CMTR1: variants seen among roughly 807,000 people sequenced by gnomAD.
CMTR1 encodes cap methyltransferase 1.
A neutral mutation model predicts 107.0 loss-of-function variants in CMTR1; 39 were observed. The observed-to-expected ratio is 0.36, with a 90% CI of 0.28 to 0.48. The LOEUF (loss-of-function observed/expected upper bound fraction) is 0.48. Ranked by LOEUF, CMTR1 falls within the 20% of genes least tolerant of loss-of-function variation. The pLI, the probability that CMTR1 is intolerant of heterozygous loss-of-function variation, is 0.99. For missense variants in CMTR1, 672 were observed against 1,064.9 expected (o/e 0.63, Z 5.14); for synonymous variants, 366 against 379.5 (o/e 0.96, Z 0.41).
chr6:37,459,309 C>G (rs1042025031), intron 9 of CMTR1, among the ~76,000 whole-genome samples: 1 of 152,192 alleles, frequency 6.6e-6, no homozygotes, highest in African/African-American at 2.4e-5. Flanking sequence ...AATGTAGGTG[C>G]CTTAAACACA....
chr6:37,428,062 AACT>A, the CMTR1 span, among the ~76,000 whole-genome samples: 1 of 92,856 alleles, frequency 1.1e-5, no homozygotes, highest in East Asian at 3.9e-4. Flanking sequence ...GAGAGAGAGA[AACT>A]CTCTAAAAAA....
chr6:37,475,702 C>A, intron 19 of CMTR1: 1 of 531,538 alleles, frequency 1.9e-6, no homozygotes, highest in Non-Finnish European at 3.4e-6. Context: ...AGAGGGTGAC[C>A]TTGCGGGTAG....
Position 37,472,762 on chromosome 6 carries a change from C to T in CMTR1, c.1689+275C>T, listed in dbSNP as rs536975818. On this transcript the variant is annotated intron_variant, in intron 16 of 23. Coordinates refer to ENST00000373451, the MANE Select transcript of CMTR1 (RefSeq NM_015050.3). The surrounding 1 kb of genome is among the most constrained non-coding windows in gnomAD (Gnocchi z 4.1). Reference sequence around the variant, plus strand: ...AAAGGGTGGTTCTGGCTGTGTCACCCTGGCAAGTTCAGGGTCCTGTGGGAT... The same window carrying T: ...AAAGGGTGGTTCTGGCTGTGTCACCTTGGCAAGTTCAGGGTCCTGTGGGAT... Among the ~76,000 whole-genome samples the T allele has an allele frequency of 6.6e-5, 10 of 152,364 alleles. No individual in the cohort carries two copies. Among genetic ancestry groups the T allele is most frequent in the South Asian group, 6.2e-4 (3 of 4,826 alleles).
Position 37,463,035 on chromosome 6 carries a change from G to GT in CMTR1, c.1505+28dup, listed in dbSNP as rs752800044. ...TAAGCCAACGGGCTGGTTTTTGCTG[G>GT]TAACACTGAGGTCCTAAGGAAGACC... On this transcript the variant is annotated intron_variant, in intron 13 of 23. Coordinates refer to ENST00000373451, the MANE Select transcript of CMTR1 (RefSeq NM_015050.3). 8.1e-6 allele frequency: 13 copies of GT among 1,608,130 alleles called. No individual in the cohort carries two copies. The East Asian group carries it at 2.9e-4, about 36-fold the overall frequency.
intron 20 of CMTR1, among the ~76,000 whole-genome samples, chr6:37,476,575 GAGA>G (rs761657401): frequency 5.9e-5 from 9 of 152,192 alleles, no homozygotes; most frequent in Non-Finnish European, 8.8e-5. Flanking sequence ...ACATGAAAAA[GAGA>G]AGGATTGTTT....
chr6:37,480,638 T>C lies in CMTR1; in HGVS notation c.*493T>C. ...GCCAGGAGAACCTGCTATAAAAAAA[T>C]CAAGGTTTTGTTTCTTTGAACTTAC... is the stretch of plus-strand genomic sequence containing the variant. On this transcript the variant is annotated 3_prime_UTR_variant, in exon 24 of 24. Transcript: ENST00000373451. The C allele has an allele frequency of 9.8e-7, 1 of 1,022,208 alleles. No homozygotes were observed. The highest frequency in any genetic ancestry group is 1.2e-6 in the Non-Finnish European group (1 of 854,276). 63.3% of individuals were successfully genotyped at this position (1,022,208 alleles called of 1,614,324 possible). A position where few individuals can be genotyped will look rare whatever the true frequency, so the allele number is the denominator to read the frequency against.
At chr6:37,424,409 AT>A in the CMTR1 span, among the ~76,000 whole-genome samples, 132 of 143,772 alleles carry the variant, frequency 9.2e-4, no homozygotes, top group Non-Finnish European at 9.5e-4. Context: ...CGCCTGGTTA[AT>A]TTTTTTTTTT....
At position 37,480,428 on chromosome 6, in the gene CMTR1, G is replaced by A. The variant is rs185309199; in HGVS notation, c.*283G>A. ...AGGCAGGTATGAGGTCAGTGCCTAG[G>A]GCACGTGGGACTGATGGAGGACATA... On this transcript the variant is annotated 3_prime_UTR_variant, in exon 24 of 24. Transcript: ENST00000373451. The A allele has an allele frequency of 8.0e-7, 1 of 1,255,642 alleles. No individual in the cohort carries two copies. The highest frequency in any genetic ancestry group is 1.0e-6 in the Non-Finnish European group (1 of 999,724). The allele number at this position is 1,255,642 out of a possible 1,614,324, so 77.8% of individuals were successfully genotyped here.
chr6:37,471,917 C>G lies in CMTR1; in HGVS notation c.1620+13C>G, dbSNP rs747903852. On this transcript the variant is annotated intron_variant, in intron 15 of 23. Transcript: ENST00000373451. ...CCGACTCTGGGGGGTGAGTATCTCC[C>G]CCGCCCATTGCTGCTTCAGGGCAGG... 1.2e-6 allele frequency: 2 copies of G among 1,611,264 alleles called. No homozygotes were observed. The highest frequency in any genetic ancestry group is 1.9e-4 in the Middle Eastern group (1 of 5,396).
Position 37,471,063 on chromosome 6 carries a change from C to T in CMTR1, c.1548C>T (p.Ala516=). The change falls in exon 14 of 24, where the codon GCC becomes GCT. Residue 516 remains alanine, a synonymous_variant. Coordinates refer to ENST00000373451, the MANE Select transcript of CMTR1 (RefSeq NM_015050.3). ...TCAAAGCTCTGGCGAAAATCCATGC[C>T]TTTGTTCAAGACACGTGAGTGTTGC... ...LQIKALAKIH[A]FVQDTTLSEP... The T allele has an allele frequency of 6.2e-7, 1 of 1,607,074 alleles. No homozygotes were observed. Among genetic ancestry groups the T allele is most frequent in the Non-Finnish European group, 8.5e-7 (1 of 1,176,778 alleles).
chr6:37,428,002 CAGAGACAGAGAGAGAGAGAGAGAG>C, the CMTR1 span, among the ~76,000 whole-genome samples: 7 of 87,728 alleles, frequency 8.0e-5, no homozygotes, highest in African/African-American at 2.9e-4. Flanking sequence ...ACCTAAGCAA[CAGAGACAGAGAGAGAGAGAGAGAG>C]AGAGAGAGAG....
intron 10 of CMTR1, among the ~76,000 whole-genome samples, chr6:37,460,980 G>A (rs553828930): frequency 6.6e-6 from 1 of 152,338 alleles, no homozygotes; most frequent in East Asian, 1.9e-4. Flanking sequence ...CCTGGCCAGA[G>A]AGTCTGCCAG....
intron 10 of CMTR1, 47 bp from the exon 11 acceptor site, chr6:37,461,502 C>T (rs1370031888): frequency 9.6e-7 from 1 of 1,039,910 alleles, no homozygotes; most frequent in South Asian, 1.4e-5. Context: ...TATTCTTAGT[C>T]CTTCTCTTTT....
chr6:37,479,142 A>G lies in CMTR1; in HGVS notation c.2267-5A>G. 6.2e-7 allele frequency: 1 copy of G among 1,610,720 alleles called. No individual in the cohort carries two copies. Among genetic ancestry groups the G allele is most frequent in the Non-Finnish European group, 8.5e-7 (1 of 1,176,942 alleles). ...CTGGGCTTCATCCCCTCTTCCTCCCATCAGAGCCCTGGACTATGGGATTCA... is the reference window on the plus strand; with the variant it reads ...CTGGGCTTCATCCCCTCTTCCTCCCGTCAGAGCCCTGGACTATGGGATTCA... On this transcript the variant is annotated splice_region_variant and splice_polypyrimidine_tract_variant and intron_variant, in intron 22 of 23. Transcript: ENST00000373451.
chr6:37,477,516 CCTGCCTCCCAG>C (rs1293839696), intron 20 of CMTR1, 65 bp from the exon 21 acceptor site: 10 of 1,369,154 alleles, frequency 7.3e-6, no homozygotes, highest in Non-Finnish European at 9.4e-6. Flanking sequence ...AGTGCAGTCT[CCTGCCTCCCAG>C]CTGCCTCCTG....
At position 37,458,600 on chromosome 6, in the gene CMTR1, T is replaced by G; in HGVS notation, c.778-12T>G. 6.2e-7 allele frequency: 1 copy of G among 1,612,574 alleles called. No homozygotes were observed. The highest frequency in any genetic ancestry group is 8.5e-7 in the Non-Finnish European group (1 of 1,179,882). The stretch of plus-strand genomic sequence containing the variant: ...TTTTCCTTCCTCTCCTGTCCTCCAC[T>G]TGCCTTTGCAGAAGCCACTGGTGAA... On this transcript the variant is annotated splice_polypyrimidine_tract_variant and intron_variant, in intron 8 of 23. Transcript: ENST00000373451. This position sits in a 1 kb window ranked among gnomAD's most constrained non-coding sequence, Gnocchi z 4.7.
rs142916270 is a variant in CMTR1, at chr6:37,474,563, C to T, written c.1861C>T (p.Arg621Cys). The T allele has an allele frequency of 1.2e-4, 192 of 1,613,928 alleles. No individual in the cohort carries two copies. Among genetic ancestry groups the T allele is most frequent in the South Asian group, 2.9e-4 (26 of 91,084 alleles). Reference sequence around the variant, plus strand: ...CACATGGGATGGCCGCCAGTCAGACCGCTGGATCAAGCTAGACCTGAAGAC... The same window carrying T: ...CACATGGGATGGCCGCCAGTCAGACTGCTGGATCAAGCTAGACCTGAAGAC... ...IYTWDGRQSDRWIKLDLKTEL... is the reference protein window; with the variant it reads ...IYTWDGRQSDCWIKLDLKTEL... Residue 621 changes from arginine (R) to cysteine (C), a missense_variant, in exon 18 of 24, where the codon CGC becomes TGC. This residue lies in a region of CMTR1 where 583 missense variants were observed against 968.4 expected (regional missense o/e 0.60). Transcript: ENST00000373451.
chr6:37,438,048 G>A (rs1771579095), intron 2 of CMTR1, among the ~76,000 whole-genome samples: 1 of 152,188 alleles, frequency 6.6e-6, no homozygotes, highest in African/African-American at 2.4e-5. Context: ...GGTACTATAT[G>A]ACTCAGTCAG....
intron 4 of CMTR1, among the ~76,000 whole-genome samples, chr6:37,449,312 T>TGTTAC (rs1163833415): frequency 6.6e-6 from 1 of 151,682 alleles, no homozygotes; most frequent in Non-Finnish European, 1.5e-5. Flanking sequence ...TGTTATGTTA[T>TGTTAC]GTTATTTTGT....
Sources: gnomAD v4.1 joint callset for allele counts (sites outside exome capture counted in the v4.1 genomes callset) on GRCh38, gnomAD v4.1.1 for gene constraint, gnomAD v4.1.1 regional missense constraint, Gnocchi (gnomAD v3.1) non-coding constraint, MANE v1.5 for transcripts, NCBI Gene and HGNC (gene_info 2026-07-23, HGNC 2026-07-21) for gene names.